MACROD2: variants seen among roughly 807,000 people sequenced by gnomAD.
The protein encoded by MACROD2 is mono-ADP ribosylhydrolase 2.
A neutral mutation model predicts 70.4 loss-of-function variants in MACROD2; 36 were observed. That is an observed-to-expected ratio of 0.51 (90% CI 0.39 to 0.68). MACROD2 has a LOEUF of 0.68. Ranked by LOEUF, MACROD2 falls within the 30% of genes least tolerant of loss-of-function variation. The pLI, the probability that MACROD2 is intolerant of heterozygous loss-of-function variation, is 0.00. For synonymous variants in MACROD2, 172 were observed against 178.8 expected, an observed-to-expected ratio of 0.96 and a Z score of 0.30; for missense variants, 496 against 538.4, an observed-to-expected ratio of 0.92 and a Z score of 0.78.
chr20:14,720,719 A>C (rs890152389), intron 5 of MACROD2, among the ~76,000 whole-genome samples: 1 of 150,770 alleles, frequency 6.6e-6, no homozygotes, highest in African/African-American at 2.4e-5. Context: ...ACCTCCAGCT[A>C]ATTTTTGTAT....
intron 3 of MACROD2, among the ~76,000 whole-genome samples, chr20:14,411,204 C>T (rs1238389682): frequency 6.6e-6 from 1 of 152,024 alleles, no homozygotes; most frequent in African/African-American, 2.4e-5. Flanking sequence ...TTGATATGAG[C>T]CAAGATTGCC....
chr20:15,688,971 G>A (rs866855874), intron 8 of MACROD2, among the ~76,000 whole-genome samples: 17 of 152,222 alleles, frequency 1.1e-4, no homozygotes, highest in African/African-American at 4.1e-4. Context: ...CTTAACATGT[G>A]CCAGTCATTT....
At chr20:15,131,388 TA>T (rs1231622662) in intron 5 of MACROD2, among the ~76,000 whole-genome samples, 1 of 152,040 alleles carries the variant, frequency 6.6e-6, no homozygotes, top group African/African-American at 2.4e-5. Context: ...CAAATTAATA[TA>T]AAGATGAAAT....
intron 4 of MACROD2, chr20:14,547,642 A>T (rs76972570): frequency 0.12 from 17,891 of 152,814 alleles, 1,491 homozygotes; most frequent in South Asian, 0.34. Flanking sequence ...ATCAGACTGC[A>T]CTGTAATTGC....
chr20:15,689,425 G>C (rs1002545182), intron 8 of MACROD2, among the ~76,000 whole-genome samples: 3 of 152,044 alleles, frequency 2.0e-5, no homozygotes, highest in African/African-American at 7.2e-5. Flanking sequence ...TAAGATCTGT[G>C]GGGGGAAAAA....
intron 8 of MACROD2, among the ~76,000 whole-genome samples, chr20:15,840,494 CT>C (rs1235901690): frequency 6.6e-6 from 1 of 152,094 alleles, no homozygotes; most frequent in African/African-American, 2.4e-5. Flanking sequence ...AAAAAAAGAT[CT>C]TTTAGATCTC....
chr20:14,835,954 T>C (rs149724127), intron 5 of MACROD2, among the ~76,000 whole-genome samples: 4 of 152,104 alleles, frequency 2.6e-5, no homozygotes, highest in Non-Finnish European at 5.9e-5. Flanking sequence ...TTATGTCAAA[T>C]AACAACCTGC....
At chr20:14,266,154 A>G (rs1240269184) in intron 3 of MACROD2, among the ~76,000 whole-genome samples, 2 of 152,104 alleles carry the variant, frequency 1.3e-5, no homozygotes, top group Non-Finnish European at 2.9e-5. Flanking sequence ...CCAAATCCTC[A>G]GCTTTAAGAA....
chr20:15,506,443 A>G (rs893874270), intron 8 of MACROD2, among the ~76,000 whole-genome samples: 9 of 152,200 alleles, frequency 5.9e-5, no homozygotes, highest in African/African-American at 2.2e-4. Context: ...TTGTTTCCTC[A>G]TTACTGATCA....
At chr20:14,973,646 G>T (rs1362203110) in intron 5 of MACROD2, among the ~76,000 whole-genome samples, 1 of 152,148 alleles carries the variant, frequency 6.6e-6, no homozygotes, top group Non-Finnish European at 1.5e-5. Context: ...TTCAGAGAGA[G>T]ATTATTTGGG....
intron 6 of MACROD2, among the ~76,000 whole-genome samples, chr20:15,268,782 A>C (rs1600173730): frequency 6.6e-6 from 1 of 152,186 alleles, no homozygotes; most frequent in Non-Finnish European, 1.5e-5. Context: ...TGAATAAATA[A>C]ATGAGTTAAC....
intron 8 of MACROD2, among the ~76,000 whole-genome samples, chr20:15,842,712 G>GTATAGATA (rs77294203): frequency 2.8e-5 from 4 of 141,584 alleles, no homozygotes; most frequent in Non-Finnish European, 6.1e-5. Context: ...GTGGGTGGAT[G>GTATAGATA]GATAGATAGA....
chr20:14,023,175 A>C (rs891531416), intron 2 of MACROD2, among the ~76,000 whole-genome samples: 2 of 152,062 alleles, frequency 1.3e-5, no homozygotes, highest in African/African-American at 2.4e-5. Context: ...GCTTTTTTTC[A>C]TATGTATGTT....
intron 2 of MACROD2, among the ~76,000 whole-genome samples, chr20:14,005,616 T>G (rs535164946): frequency 8.5e-5 from 13 of 152,160 alleles, no homozygotes; most frequent in African/African-American, 2.9e-4. Flanking sequence ...TTTTTTTTTT[T>G]GAGACTGAGT....
chr20:15,683,730 C>A (rs917198802), intron 8 of MACROD2, among the ~76,000 whole-genome samples: 5 of 152,028 alleles, frequency 3.3e-5, no homozygotes, highest in African/African-American at 1.2e-4. Context: ...AGGCATGTAC[C>A]ACCACGCCCA....
intron 4 of MACROD2, among the ~76,000 whole-genome samples, chr20:14,503,747 A>T (rs1407970670): frequency 6.6e-6 from 1 of 152,250 alleles, no homozygotes; most frequent in Non-Finnish European, 1.5e-5. Context: ...AACTTCCTAG[A>T]TGCTGAACAC....
At chr20:15,590,259 G>A (rs887428505) in intron 8 of MACROD2, among the ~76,000 whole-genome samples, 1 of 152,154 alleles carries the variant, frequency 6.6e-6, no homozygotes, top group African/African-American at 2.4e-5. Context: ...TTCCATAGGT[G>A]TTGACTTGTT....
chr20:14,768,876 C>G (rs1383854403), intron 5 of MACROD2, among the ~76,000 whole-genome samples: 1 of 152,058 alleles, frequency 6.6e-6, no homozygotes, highest in Non-Finnish European at 1.5e-5. Context: ...AACTTTTTAA[C>G]CAACACCTTC....
At chr20:14,389,860 T>C (rs2083508831) in intron 3 of MACROD2, among the ~76,000 whole-genome samples, 1 of 152,132 alleles carries the variant, frequency 6.6e-6, no homozygotes, top group Non-Finnish European at 1.5e-5. Flanking sequence ...GGATGCCCTC[T>C]TTCACCACTT....
Sources: gnomAD v4.1 joint callset for allele counts (sites outside exome capture counted in the v4.1 genomes callset) on GRCh38, gnomAD v4.1.1 for gene constraint, MANE v1.5 for transcripts, NCBI Gene and HGNC (gene_info 2026-07-23, HGNC 2026-07-21) for gene names.